The following SAXO1 variants were observed in gnomAD, a reference collection of about 807,000 sequenced individuals.
The protein encoded by SAXO1 is stabilizer of axonemal microtubules 1.
SAXO1 carries 21 observed loss-of-function variants against 17.5 expected under a neutral mutation model. The ratio of observed to expected loss-of-function variants is 1.20; its 90% CI spans 0.85 to 1.72. The LOEUF (loss-of-function observed/expected upper bound fraction) is 1.72, where lower values mean the gene tolerates loss of function less well. Ranked by LOEUF, SAXO1 falls within the 40% of genes most tolerant of loss-of-function variation. The pLI, the probability that SAXO1 is intolerant of heterozygous loss-of-function variation, is 0.00. For missense variants in SAXO1, 843 were observed against 596.0 expected, an observed-to-expected ratio of 1.41 and a Z score of -4.32; for synonymous variants, 274 against 216.5, an observed-to-expected ratio of 1.27 and a Z score of -2.33.
chr9:18,948,597 G>A (rs942498361), intron 2 of SAXO1, among the ~76,000 whole-genome samples: 1 of 152,294 alleles, frequency 6.6e-6, no homozygotes, highest in Non-Finnish European at 1.5e-5. Flanking sequence ...ATTTAGGACA[G>A]GTCAGAGGGT....
intron 2 of SAXO1, among the ~76,000 whole-genome samples, chr9:18,946,536 A>C (rs76505932): frequency 0.01 from 1,543 of 152,178 alleles, 18 homozygotes; most frequent in African/African-American, 0.035. Context: ...CTGCCTGCCA[A>C]AGATAAAAAC....
At chr9:19,021,021 A>T (rs1835211265) in intron 1 of SAXO1, among the ~76,000 whole-genome samples, 1 of 152,144 alleles carries the variant, frequency 6.6e-6, no homozygotes, top group Non-Finnish European at 1.5e-5. Context: ...TTTCCTCTTA[A>T]TTATTTTCTT....
intron 1 of SAXO1, among the ~76,000 whole-genome samples, chr9:19,041,923 C>G (rs1366517883): frequency 6.6e-6 from 1 of 151,952 alleles, no homozygotes; most frequent in East Asian, 1.9e-4. Context: ...CACAGGCAAC[C>G]AAAGCAAAAA....
At chr9:19,045,083 G>C (rs1463800217) in intron 1 of SAXO1, among the ~76,000 whole-genome samples, 1 of 151,406 alleles carries the variant, frequency 6.6e-6, no homozygotes, top group Non-Finnish European at 1.5e-5. Context: ...GGCCGAGGCG[G>C]GTGGATCATG....
At chr9:19,020,003 G>A (rs1835156566) in intron 1 of SAXO1, among the ~76,000 whole-genome samples, 2 of 148,712 alleles carry the variant, frequency 1.3e-5, no homozygotes, top group Admixed American at 6.8e-5. Flanking sequence ...TGGCCATCCT[G>A]GTCACCAGCA....
At chr9:18,984,844 G>A (rs1445497141) in intron 1 of SAXO1, among the ~76,000 whole-genome samples, 1 of 152,156 alleles carries the variant, frequency 6.6e-6, no homozygotes, top group Admixed American at 6.5e-5. Context: ...CAGCTTGGCT[G>A]TTTGGCATAA....
intron 2 of SAXO1, among the ~76,000 whole-genome samples, chr9:18,943,415 C>T (rs981619701): frequency 6.6e-6 from 1 of 152,228 alleles, no homozygotes; most frequent in African/African-American, 2.4e-5. Flanking sequence ...GCTCCTACTT[C>T]TGCTGTTCTC....
rs903979655 is a variant in SAXO1, at chr9:19,049,152, T to TG, written c.-158+56dup. On this transcript the variant is annotated intron_variant, in intron 1 of 3. Transcript: ENST00000542071. The surrounding 1 kb of genome is among the most constrained non-coding windows in gnomAD (Gnocchi z 5.4). Reference sequence around the variant, plus strand: ...AGCCAGTTGCGGTGGTGGTGGCGGTTGGGGCTTTTTTTGGCCACGAGAGGG... The same window carrying TG: ...AGCCAGTTGCGGTGGTGGTGGCGGTTGGGGGCTTTTTTTGGCCACGAGAGGG... The TG allele has an allele frequency of 6.6e-6, 1 of 152,462 alleles. No individual in the cohort carries two copies. The highest frequency in any genetic ancestry group is 6.5e-5 in the Admixed American group (1 of 15,290). 9.4% of individuals were successfully genotyped at this position (152,462 alleles called of 1,614,324 possible).
intron 3 of SAXO1, among the ~76,000 whole-genome samples, chr9:18,933,998 A>G (rs1000078931): frequency 6.6e-6 from 1 of 152,194 alleles, no homozygotes; most frequent in African/African-American, 2.4e-5. Flanking sequence ...GTGAGCCGAG[A>G]TTGCAGCCAC....
rs56265752 is a variant in SAXO1 at position 18,989,556 on chromosome 9, G to GCACACA, written c.39-38625_39-38620dup. On this transcript the variant is annotated intron_variant, in intron 1 of 3. Transcript: ENST00000380534. ...GGAAATTTACTTTTTTAGCCATTAT[G>GCACACA]CACACACACACACACACACACACAC... Among the ~76,000 whole-genome samples the GCACACA allele has an allele frequency of 2.5e-4, 37 of 149,292 alleles. No homozygotes were observed. The South Asian group carries it at 6.4e-3, about 26-fold the overall frequency.
intron 1 of SAXO1, among the ~76,000 whole-genome samples, chr9:18,970,090 T>C (rs965101159): frequency 6.6e-6 from 1 of 152,230 alleles, no homozygotes; most frequent in African/African-American, 2.4e-5. Context: ...TGCAAGTGGA[T>C]GGGACCCAGT....
intron 1 of SAXO1, among the ~76,000 whole-genome samples, chr9:19,011,532 C>T (rs1834730212): frequency 6.6e-6 from 1 of 152,158 alleles, no homozygotes; most frequent in Admixed American, 6.5e-5. Flanking sequence ...CAGAGCTAAA[C>T]CCTAAATTGT....
chr9:19,047,118 C>T (rs1407847082), intron 1 of SAXO1, among the ~76,000 whole-genome samples: 3 of 152,016 alleles, frequency 2.0e-5, no homozygotes, highest in East Asian at 1.9e-4. Flanking sequence ...ATCTGGGAGG[C>T]GGAGGTTGCA....
At chr9:18,985,636 T>A (rs1037772453) in intron 1 of SAXO1, among the ~76,000 whole-genome samples, 2 of 152,140 alleles carry the variant, frequency 1.3e-5, no homozygotes. Context: ...CACCTCACGA[T>A]GGAGCCCAAG....
intron 1 of SAXO1, among the ~76,000 whole-genome samples, chr9:18,976,603 T>C (rs1172422947): frequency 6.6e-6 from 1 of 150,858 alleles, no homozygotes; most frequent in African/African-American, 2.4e-5. Context: ...TGGCCTAAAG[T>C]GTCTTTGATT....
At chr9:18,974,528 C>T (rs1833060817) in intron 1 of SAXO1, among the ~76,000 whole-genome samples, 2 of 152,192 alleles carry the variant, frequency 1.3e-5, no homozygotes, top group Admixed American at 1.3e-4. Flanking sequence ...AAGCCTGGAA[C>T]ATCTTGTGTC....
chr9:19,039,393 T>C (rs2055910351), intron 1 of SAXO1, among the ~76,000 whole-genome samples: 2 of 152,304 alleles, frequency 1.3e-5, no homozygotes, highest in South Asian at 2.1e-4. Context: ...TGTTAAAAGA[T>C]GGGAGTTAAA....
chr9:18,987,145 G>A (rs528041872), intron 1 of SAXO1, among the ~76,000 whole-genome samples: 216 of 152,280 alleles, frequency 1.4e-3, no homozygotes, highest in African/African-American at 5.0e-3. Context: ...AGTCCTCTCA[G>A]GTGATTAACA....
chr9:18,947,369 C>A (rs1302071985), intron 2 of SAXO1, among the ~76,000 whole-genome samples: 1 of 152,114 alleles, frequency 6.6e-6, no homozygotes, highest in Non-Finnish European at 1.5e-5. Flanking sequence ...CTTGGTTTAC[C>A]AAGGAGTCTT....
Sources: gnomAD v4.1 joint callset for allele counts (sites outside exome capture counted in the v4.1 genomes callset) on GRCh38, gnomAD v4.1.1 for gene constraint, Gnocchi (gnomAD v3.1) non-coding constraint, MANE v1.5 for transcripts, NCBI Gene and HGNC (gene_info 2026-07-23, HGNC 2026-07-21) for gene names.